Variants in NKIRAS1 observed in about 807,000 individuals in gnomAD.
NKIRAS1 encodes the protein NF-kappa-B inhibitor-interacting Ras-like protein 1.
A neutral mutation model predicts 19.8 loss-of-function variants in NKIRAS1; 16 were observed. That is an observed-to-expected ratio of 0.81 (90% CI 0.55 to 1.23). NKIRAS1 has a LOEUF of 1.23. Among genes scored for constraint, NKIRAS1 ranks in the 50% most tolerant of loss-of-function variants. The probability of loss-of-function intolerance (pLI) is 0.00; values close to 1 mark genes in which losing one functional copy is unlikely to be tolerated. For missense variants in NKIRAS1, 184 were observed against 220.0 expected (o/e 0.84, Z 1.04); for synonymous variants, 88 against 79.0 (o/e 1.11, Z -0.61).
Position 23,891,883 on chromosome 3 carries a change from A to G in NKIRAS1, c.*1212T>C, listed in dbSNP as rs1701495791. On this transcript the variant is annotated 3_prime_UTR_variant, in exon 5 of 5. Coordinates refer to ENST00000425478, the MANE Select transcript of NKIRAS1 (RefSeq NM_020345.4). ...TGGGTGGGAAGCTAGATTAATATTC[A>G]ATAACCGGGGGAAAAGGGTAAGGGG... 1 of 152,210 alleles carries G rather than the reference A, an allele frequency of 6.6e-6. No homozygotes were observed. The highest frequency in any genetic ancestry group is 1.5e-5 in the Non-Finnish European group (1 of 68,028). The allele number at this position is 152,210 out of a possible 1,614,324, so 9.4% of individuals were successfully genotyped here. A position where few individuals can be genotyped will look rare whatever the true frequency, so the allele number is the denominator to read the frequency against.
At chr3:23,933,473 C>T (rs1277326297) in intron 1 of NKIRAS1, among the ~76,000 whole-genome samples, 1 of 152,184 alleles carries the variant, frequency 6.6e-6, no homozygotes, top group African/African-American at 2.4e-5. Context: ...GGGATGCTGC[C>T]AAACATACTA....
At chr3:23,900,532 G>A (rs2125376790) in intron 4 of NKIRAS1, among the ~76,000 whole-genome samples, 1 of 152,060 alleles carries the variant, frequency 6.6e-6, no homozygotes, top group African/African-American at 2.4e-5. Flanking sequence ...CTACTTGGGA[G>A]GCTGAGGCAG....
Position 23,910,794 on chromosome 3 carries a change from G to C in NKIRAS1, c.94+17C>G. ...GCTCCCAGAACCTAGAGACAAACTA[G>C]AGAAAAACAATCTTACCAATAGTAT... On this transcript the variant is annotated intron_variant, in intron 3 of 4. Transcript: ENST00000425478. 1 of 1,587,928 alleles carries C rather than the reference G, an allele frequency of 6.3e-7. No homozygotes were observed.
chr3:23,933,155 T>C (rs1705344299), intron 1 of NKIRAS1, among the ~76,000 whole-genome samples: 1 of 152,282 alleles, frequency 6.6e-6, no homozygotes, highest in South Asian at 2.1e-4. Context: ...TACCTGTGTA[T>C]TGTGTTAAGT....
chr3:23,943,529 C>G (rs934954058), intron 1 of NKIRAS1, among the ~76,000 whole-genome samples: 2 of 152,244 alleles, frequency 1.3e-5, no homozygotes, highest in Non-Finnish European at 2.9e-5. Flanking sequence ...CCGCGCCCAG[C>G]CCAGTTTTGC....
At chr3:23,940,047 C>T (rs1285347080) in intron 1 of NKIRAS1, among the ~76,000 whole-genome samples, 1 of 151,372 alleles carries the variant, frequency 6.6e-6, no homozygotes, top group East Asian at 2.0e-4. Context: ...AATTTAAAAA[C>T]TGACCGGGTG....
intron 1 of NKIRAS1, among the ~76,000 whole-genome samples, chr3:23,933,042 T>C (rs1052922085): frequency 6.6e-6 from 1 of 152,138 alleles, no homozygotes; most frequent in Non-Finnish European, 1.5e-5. Flanking sequence ...ATCACAAGGC[T>C]CCTTGAGATA....
chr3:23,918,821 C>A, upstream of NKIRAS1: 1 of 547,678 alleles, frequency 1.8e-6, no homozygotes, highest in South Asian at 2.6e-5. Flanking sequence ...GCAGAAGAGA[C>A]CAAATGTGGC....
intron 4 of NKIRAS1, among the ~76,000 whole-genome samples, chr3:23,896,645 G>T (rs1169766272): frequency 1.3e-5 from 2 of 149,884 alleles, no homozygotes; most frequent in Admixed American, 6.7e-5. Flanking sequence ...ATAGCCACAG[G>T]ATGAATATTA....
upstream of NKIRAS1, chr3:23,920,854 TTC>T (rs1480610168): frequency 1.9e-5 from 17 of 872,788 alleles, no homozygotes; most frequent in Non-Finnish European, 2.1e-5. Context: ...CAAATGGACC[TTC>T]TGTTATTTTT....
rs72627071 is a variant in NKIRAS1, at chr3:23,902,229, T to C, written c.95-1180A>G. Among the ~76,000 whole-genome samples, 913 of 152,304 alleles carry C rather than the reference T, an allele frequency of 6.0e-3. 17 individuals are homozygous for C. The highest frequency in any genetic ancestry group is 0.049 in the East Asian group (256 of 5,184). On this transcript the variant is annotated intron_variant, in intron 3 of 4. Transcript: ENST00000425478. The stretch of plus-strand genomic sequence containing the variant: ...CCTAAACAACCTAAATACTGTAGAA[T>C]GATTTGTTCCAGATGCCTTACATGA...
chr3:23,937,017 G>A (rs1705406347), intron 1 of NKIRAS1, among the ~76,000 whole-genome samples: 1 of 152,308 alleles, frequency 6.6e-6, no homozygotes, highest in East Asian at 1.9e-4. Context: ...AACTGAAGCT[G>A]AGTGAAGAGT....
upstream of NKIRAS1, chr3:23,920,162 T>C: frequency 1.0e-6 from 1 of 985,852 alleles, no homozygotes; most frequent in Non-Finnish European, 1.2e-6. Context: ...GGTGAGCCAG[T>C]GGCCATTAGA....
At chr3:23,940,468 T>C (rs1214795933) in intron 1 of NKIRAS1, among the ~76,000 whole-genome samples, 2 of 152,180 alleles carry the variant, frequency 1.3e-5, no homozygotes, top group East Asian at 1.9e-4. Context: ...TATTATTGCA[T>C]TGTAGTGTGT....
intron 3 of NKIRAS1, among the ~76,000 whole-genome samples, chr3:23,909,200 G>A (rs1361981316): frequency 6.6e-6 from 1 of 152,118 alleles, no homozygotes; most frequent in African/African-American, 2.4e-5. Context: ...TAGAAGAGAA[G>A]CAGAGCACAT....
At chr3:23,912,069 G>A (rs544081350) in intron 1 of NKIRAS1, among the ~76,000 whole-genome samples, 3 of 152,254 alleles carry the variant, frequency 2.0e-5, no homozygotes, top group Admixed American at 6.5e-5. Context: ...TGGCTGTCAC[G>A]TGGGCTTTCT....
chr3:23,929,366 AAAAT>A (rs1434096553), intron 1 of NKIRAS1, among the ~76,000 whole-genome samples: 1 of 152,172 alleles, frequency 6.6e-6, no homozygotes. Context: ...TCCATCTCAA[AAAAT>A]AAATAAATAA....
chr3:23,894,202 G>A lies in NKIRAS1; in HGVS notation c.337-865C>T, dbSNP rs1701747809. Among the ~76,000 whole-genome samples the A allele has an allele frequency of 3.3e-5, 5 of 152,210 alleles. No individual in the cohort carries two copies. In the South Asian group the frequency reaches 1.0e-3, roughly 32 times the overall value. ...GACAGAATACAGCAGTCAAAGCTCG[G>A]GGAGGAGAAGAGACCCCAAACCAGA... On this transcript the variant is annotated intron_variant, in intron 4 of 4. Transcript: ENST00000425478.
chr3:23,907,059 A>C (rs1040751205), intron 3 of NKIRAS1, among the ~76,000 whole-genome samples: 2 of 150,244 alleles, frequency 1.3e-5, no homozygotes, highest in Non-Finnish European at 3.0e-5. Context: ...ATGCCCAGCT[A>C]ATTTTTATAT....
Sources: gnomAD v4.1 joint callset for allele counts (sites outside exome capture counted in the v4.1 genomes callset) on GRCh38, gnomAD v4.1.1 for gene constraint, MANE v1.5 for transcripts, NCBI Gene and HGNC (gene_info 2026-07-23, HGNC 2026-07-21) for gene names.